Variants in CREB5 observed in about 807,000 individuals in gnomAD.
CREB5 encodes cAMP responsive element binding protein 5.
Under a neutral mutation model 57.1 loss-of-function variants are expected in CREB5, and 19 were observed. The ratio of observed to expected loss-of-function variants is 0.33; its 90% confidence interval spans 0.23 to 0.49. The LOEUF (loss-of-function observed/expected upper bound fraction) is 0.49. Among genes scored for constraint, CREB5 ranks in the 20% least tolerant of loss-of-function variants. The pLI is 0.99. For missense variants in CREB5, 579 were observed against 671.6 expected (o/e 0.86, Z 1.52); for synonymous variants, 238 against 238.3 (o/e 1.00, Z 0.01).
At chr7:28,644,442 G>A (rs895123574) in intron 5 of CREB5, among the ~76,000 whole-genome samples, 1 of 150,232 alleles carries the variant, frequency 6.7e-6, no homozygotes, top group Non-Finnish European at 1.5e-5. Flanking sequence ...CAGACTTTAT[G>A]AATAAAATTG....
chr7:28,397,726 A>C (rs1787368711), intron 1 of CREB5, among the ~76,000 whole-genome samples: 1 of 152,190 alleles, frequency 6.6e-6, no homozygotes, highest in African/African-American at 2.4e-5. Flanking sequence ...CTAAACCATC[A>C]CAACACCTAA....
intron 1 of CREB5, among the ~76,000 whole-genome samples, chr7:28,305,926 CGTGT>C (rs139654206): frequency 5.3e-5 from 8 of 150,466 alleles, no homozygotes; most frequent in South Asian, 2.1e-4. Flanking sequence ...ATAGTGTGTG[CGTGT>C]GTGTGTGTGT....
chr7:28,345,029 A>T (rs992776), intron 1 of CREB5, among the ~76,000 whole-genome samples: 94,182 of 152,100 alleles, frequency 0.62, 29,452 homozygotes, highest in African/African-American at 0.69. Flanking sequence ...TTAATGGACA[A>T]GAAGGGAGAA....
chr7:28,435,818 G>A (rs778537891), intron 1 of CREB5: 32 of 284,316 alleles, frequency 1.1e-4, no homozygotes, highest in Non-Finnish European at 1.7e-4. Flanking sequence ...GTTCTTCTTG[G>A]CTGAGAGCTG....
At chr7:28,655,341 T>C (rs1348842527) in intron 5 of CREB5, among the ~76,000 whole-genome samples, 1 of 152,212 alleles carries the variant, frequency 6.6e-6, no homozygotes, top group Non-Finnish European at 1.5e-5. Context: ...GCATGGTGGC[T>C]CATGCCCATA....
At chr7:28,488,087 G>C (rs1166719206) in intron 1 of CREB5, 88 bp from the exon 2 acceptor site, 4 of 1,175,810 alleles carry the variant, frequency 3.4e-6, no homozygotes, top group Admixed American at 1.7e-5. Context: ...GGGGCTCTGA[G>C]TGATTGCCTT....
At chr7:28,311,922 A>G (rs1009959154) in intron 1 of CREB5, among the ~76,000 whole-genome samples, 3 of 152,132 alleles carry the variant, frequency 2.0e-5, no homozygotes, top group Non-Finnish European at 4.4e-5. Context: ...CTCCTCCCAT[A>G]GGCCCTTTGT....
intron 1 of CREB5, among the ~76,000 whole-genome samples, chr7:28,374,831 T>A (rs1398360825): frequency 6.6e-6 from 1 of 152,204 alleles, no homozygotes; most frequent in East Asian, 1.9e-4. Flanking sequence ...CAGGTTCACC[T>A]CATGCCCAGG....
intron 7 of CREB5, among the ~76,000 whole-genome samples, chr7:28,729,893 G>A (rs1299305575): frequency 6.6e-6 from 1 of 152,106 alleles, no homozygotes; most frequent in East Asian, 1.9e-4. Flanking sequence ...AGATGACCAC[G>A]TTTCTCAGAA....
At chr7:28,524,637 T>G (rs996046170) in intron 4 of CREB5, among the ~76,000 whole-genome samples, 21 of 152,214 alleles carry the variant, frequency 1.4e-4, no homozygotes, top group Non-Finnish European at 2.8e-4. Context: ...GAATTTTAAT[T>G]AGAAATGCTT....
intron 1 of CREB5, among the ~76,000 whole-genome samples, chr7:28,477,817 C>T (rs551500640): frequency 6.6e-6 from 1 of 152,102 alleles, no homozygotes; most frequent in Non-Finnish European, 1.5e-5. Context: ...AGGAATCCCC[C>T]AAAACACAGC....
At chr7:28,466,592 G>T (rs544933042) in intron 1 of CREB5, among the ~76,000 whole-genome samples, 5 of 152,084 alleles carry the variant, frequency 3.3e-5, no homozygotes, top group Admixed American at 6.5e-5. Context: ...CGTGTCACAA[G>T]ACCAATATTA....
chr7:28,553,265 C>G (rs1322360990), intron 4 of CREB5, among the ~76,000 whole-genome samples: 1 of 152,200 alleles, frequency 6.6e-6, no homozygotes, highest in Non-Finnish European at 1.5e-5. Flanking sequence ...CTTTTCCTGA[C>G]TTTCAAGTAA....
chr7:28,424,321 G>A (rs563887447), intron 1 of CREB5, among the ~76,000 whole-genome samples: 2 of 152,326 alleles, frequency 1.3e-5, no homozygotes, highest in African/African-American at 4.8e-5. Context: ...TGTCCAGCAA[G>A]AAGGCAGCAC....
intron 1 of CREB5, among the ~76,000 whole-genome samples, chr7:28,336,840 G>A (rs755779048): frequency 6.6e-6 from 1 of 151,570 alleles, no homozygotes; most frequent in Non-Finnish European, 1.5e-5. Context: ...CAGCTATAAA[G>A]TTCCCTCTTA....
At chr7:28,612,546 GT>G (rs1562527189) in intron 5 of CREB5, among the ~76,000 whole-genome samples, 22 of 44,816 alleles carry the variant, frequency 4.9e-4, no homozygotes, top group African/African-American at 2.6e-3. Context: ...GAGAAGGGGT[GT>G]GTGTGTGTGT....
At chr7:28,744,199 C>A (rs1583656111) in intron 7 of CREB5, among the ~76,000 whole-genome samples, 1 of 150,702 alleles carries the variant, frequency 6.6e-6, no homozygotes, top group African/African-American at 2.4e-5. Context: ...TTTATGGCTG[C>A]ATAGTATTCC....
chr7:28,741,926 C>T (rs988833269), intron 7 of CREB5, among the ~76,000 whole-genome samples: 8 of 151,728 alleles, frequency 5.3e-5, no homozygotes, highest in South Asian at 2.1e-4. Context: ...ATTAGCCAGG[C>T]GTGGTGGTGT....
intron 5 of CREB5, among the ~76,000 whole-genome samples, chr7:28,639,965 T>G (rs1356210673): frequency 6.6e-6 from 1 of 152,146 alleles, no homozygotes; most frequent in African/African-American, 2.4e-5. Context: ...AGACAAGTAC[T>G]CCCTTAGTGT....
Sources: allele counts gnomAD v4.1 joint callset (sites outside exome capture counted in the v4.1 genomes callset), GRCh38; gene constraint gnomAD v4.1.1; transcripts MANE v1.5; gene names NCBI Gene and HGNC (gene_info 2026-07-23, HGNC 2026-07-21).